TNPO1: variants seen among roughly 807,000 people sequenced by gnomAD.
TNPO1 encodes transportin 1.
TNPO1 carries 8 observed loss-of-function variants against 119.5 expected under a neutral mutation model. The ratio of observed to expected loss-of-function variants is 0.07; its 90% confidence interval spans 0.04 to 0.12. The LOEUF (loss-of-function observed/expected upper bound fraction) is 0.12. Ranked by LOEUF, TNPO1 falls within the 10% of genes least tolerant of loss-of-function variation. The pLI, the probability that TNPO1 is intolerant of heterozygous loss-of-function variation, is 1.00. For missense variants in TNPO1, 576 were observed against 1,089.8 expected (o/e 0.53, Z 6.64); for synonymous variants, 362 against 363.0 (o/e 1.00, Z 0.03).
chr5:72,913,481 T>C lies in TNPO1; in HGVS notation c.*4808T>C, dbSNP rs969864310. Reference sequence around the variant, plus strand: ...TAATAGCTGAATGTATGCATGACTTTGAAAGAAGTTAAAATGGTGATTTTT... The same window carrying C: ...TAATAGCTGAATGTATGCATGACTTCGAAAGAAGTTAAAATGGTGATTTTT... On this transcript the variant is annotated 3_prime_UTR_variant, in exon 25 of 25. Coordinates refer to ENST00000337273, the MANE Select transcript of TNPO1 (RefSeq NM_002270.4). 1 of 152,522 alleles carries C rather than the reference T, an allele frequency of 6.6e-6. No individual in the cohort carries two copies. The highest frequency in any genetic ancestry group is 2.4e-5 in the African/African-American group (1 of 41,460). The allele number at this position is 152,522 out of a possible 1,614,324, so 9.4% of individuals were successfully genotyped here.
intron 12 of TNPO1, among the ~76,000 whole-genome samples, chr5:72,887,546 G>A (rs546009887): frequency 2.6e-5 from 4 of 152,272 alleles, no homozygotes; most frequent in East Asian, 1.9e-4. Flanking sequence ...TTAGCTGGGC[G>A]TGGTGGCATG....
At chr5:72,852,072 T>TA (rs1209855926) in intron 3 of TNPO1, among the ~76,000 whole-genome samples, 1 of 152,216 alleles carries the variant, frequency 6.6e-6, no homozygotes, top group Non-Finnish European at 1.5e-5. Flanking sequence ...TCTCTGCTCT[T>TA]ATATGGTCAC....
intron 23 of TNPO1, among the ~76,000 whole-genome samples, chr5:72,905,013 A>C (rs1478539077): frequency 6.6e-6 from 1 of 152,190 alleles, no homozygotes; most frequent in African/African-American, 2.4e-5. Context: ...CTTATTCACT[A>C]CCACCAGAAG....
At chr5:72,887,970 C>A in intron 12 of TNPO1, 108 bp from the exon 13 acceptor site, 1 of 1,015,838 alleles carries the variant, frequency 9.8e-7, no homozygotes, top group Non-Finnish European at 1.5e-6. Context: ...ATGTGTATAG[C>A]AGTAGAAATA....
intron 7 of TNPO1, among the ~76,000 whole-genome samples, chr5:72,874,690 C>T (rs1040070271): frequency 6.6e-6 from 1 of 152,126 alleles, no homozygotes; most frequent in Admixed American, 6.5e-5. Context: ...CCCATTTGAT[C>T]GTTGAATTTC....
At chr5:72,887,344 A>G (rs1189874057) in intron 12 of TNPO1, 122 bp downstream of exon 12, 3 of 1,132,096 alleles carry the variant, frequency 2.6e-6, no homozygotes, top group Non-Finnish European at 3.7e-6. Context: ...AAACAGCCAT[A>G]GGCCGTCTTC....
At chr5:72,867,047 GT>G in intron 6 of TNPO1, among the ~76,000 whole-genome samples, 1 of 151,862 alleles carries the variant, frequency 6.6e-6, no homozygotes, top group East Asian at 1.9e-4. Context: ...GAGTGTAGTG[GT>G]GTATGTGCCT....
At chr5:72,852,850 T>C (rs1483525270) in intron 3 of TNPO1, among the ~76,000 whole-genome samples, 1 of 152,234 alleles carries the variant, frequency 6.6e-6, no homozygotes, top group Non-Finnish European at 1.5e-5. Context: ...AAACTAAGAA[T>C]TATTTCAACA....
At chr5:72,856,087 G>A (rs1745976990) in intron 4 of TNPO1, among the ~76,000 whole-genome samples, 164 bp downstream of exon 4, 1 of 152,176 alleles carries the variant, frequency 6.6e-6, no homozygotes, top group Non-Finnish European at 1.5e-5. Flanking sequence ...CATGGTAAAA[G>A]CGCTCTCATC....
chr5:72,872,030 A>G (rs1002334303), intron 6 of TNPO1: 3 of 152,192 alleles, frequency 2.0e-5, no homozygotes, highest in African/African-American at 7.2e-5. Context: ...TATTGCAGCA[A>G]TCTGAATGAG....
intron 23 of TNPO1, among the ~76,000 whole-genome samples, chr5:72,904,037 T>C (rs2112500053): frequency 6.6e-6 from 1 of 152,360 alleles, no homozygotes; most frequent in African/African-American, 2.4e-5. Flanking sequence ...GGTCCCATTA[T>C]TCCATTTAAG....
At chr5:72,908,167 T>TAGTGCCTTCTAGGCTTAA (rs1750306419) in intron 24 of TNPO1, among the ~76,000 whole-genome samples, 1 of 152,216 alleles carries the variant, frequency 6.6e-6, no homozygotes, top group Non-Finnish European at 1.5e-5. Flanking sequence ...TGAACACTTC[T>TAGTGCCTTCTAGGCTTAA]AGTGCCTTCT....
intron 1 of TNPO1, among the ~76,000 whole-genome samples, chr5:72,833,863 G>C (rs1183412981): frequency 1.3e-5 from 2 of 152,116 alleles, no homozygotes; most frequent in African/African-American, 4.8e-5. Flanking sequence ...ATATGCTGCT[G>C]TTTTTTGTAC....
intron 23 of TNPO1, 125 bp downstream of exon 23, chr5:72,903,908 T>C (rs1413373953): frequency 1.7e-6 from 1 of 590,572 alleles, no homozygotes; most frequent in African/African-American, 1.9e-5. Flanking sequence ...AGTTTACATA[T>C]ATAACCTTTA....
At chr5:72,851,343 C>T in intron 3 of TNPO1, 24 bp downstream of exon 3, 1 of 1,361,068 alleles carries the variant, frequency 7.3e-7, no homozygotes, top group East Asian at 2.3e-5. Flanking sequence ...GTATTGATAA[C>T]TATTTAAAGT....
chr5:72,851,056 T>C (rs1435863814), intron 2 of TNPO1, 188 bp from the exon 3 acceptor site: 1 of 530,234 alleles, frequency 1.9e-6, no homozygotes, highest in Non-Finnish European at 3.4e-6. Flanking sequence ...ACCTAAGAGG[T>C]TTAGCAAGCA....
At position 72,888,216 on chromosome 5, in the gene TNPO1, C is replaced by T. The variant is rs374520694; in HGVS notation, c.1442C>T (p.Pro481Leu). ...SRYAHWVVSQ[P>L]PDTYLKPLMT... The stretch of plus-strand genomic sequence containing the variant: ...TATGCACACTGGGTGGTCAGCCAGC[C>T]GCCAGACACGTACCTGAAGCCATTA... Residue 481 changes from proline to leucine, a missense_variant, in exon 13 of 25, where the codon CCG (proline) becomes CTG (leucine). By Grantham distance (98) the Pro-to-Leu change is moderately conservative. Coordinates refer to ENST00000337273, the MANE Select transcript of TNPO1 (RefSeq NM_002270.4). The T allele has an allele frequency of 6.2e-7, 1 of 1,614,000 alleles. No individual in the cohort carries two copies. Among genetic ancestry groups the T allele is most frequent in the Admixed American group, 1.7e-5 (1 of 60,002 alleles).
In TNPO1 at chr5:72,911,176, C is replaced by T. The variant is rs2112528986; in HGVS notation, c.*2503C>T. On this transcript the variant is annotated 3_prime_UTR_variant, in exon 25 of 25. Transcript: ENST00000337273. ...CGATTTAAAACAAACACATAACAAT[C>T]TTCAGTAAAGTTATTTGAACCTGTG... 1 of 152,096 alleles carries T rather than the reference C, an allele frequency of 6.6e-6. No individual in the cohort carries two copies. Among genetic ancestry groups the T allele is most frequent in the South Asian group, 2.1e-4 (1 of 4,820 alleles). The allele number at this position is 152,096 out of a possible 1,614,324, so 9.4% of individuals were successfully genotyped here. A position where few individuals can be genotyped will look rare whatever the true frequency, so the allele number is the denominator to read the frequency against.
In TNPO1 at chr5:72,828,162, A is replaced by C. The variant is rs114029339; in HGVS notation, c.15+11410A>C. Among the ~76,000 whole-genome samples the C allele has an allele frequency of 2.2e-3, 338 of 152,300 alleles. 2 individuals are homozygous for C. The highest frequency in any genetic ancestry group is 7.8e-3 in the African/African-American group (326 of 41,552). ...AGGAGAACCAGTGAGATGTGGTGCC[A>C]TAAGAGGTGAAACAGTGGTCACCTG... On this transcript the variant is annotated intron_variant, in intron 1 of 24. Transcript: ENST00000337273.
Sources: allele counts gnomAD v4.1 joint callset (sites outside exome capture counted in the v4.1 genomes callset), GRCh38; gene constraint gnomAD v4.1.1; transcripts MANE v1.5; gene names NCBI Gene and HGNC (gene_info 2026-07-23, HGNC 2026-07-21).